NCAM1: variants seen among roughly 807,000 people sequenced by gnomAD.
The protein encoded by NCAM1 is neural cell adhesion molecule 1, also known as antigen recognized by monoclonal antibody 5.1H11.
In NCAM1, 14 loss-of-function variants were observed where a neutral mutation model predicts 109.8. The observed-to-expected ratio is 0.13, with a 90% confidence interval of 0.08 to 0.20. The LOEUF is 0.20. NCAM1 is among the 10% of genes least tolerant of loss of function. The pLI, the probability that NCAM1 is intolerant of heterozygous loss-of-function variation, is 1.00. For missense variants in NCAM1, 774 were observed against 1,109.9 expected (o/e 0.70, Z 4.30); for synonymous variants, 418 against 442.9 (o/e 0.94, Z 0.70).
intron 1 of NCAM1, among the ~76,000 whole-genome samples, chr11:112,979,011 T>A (rs1207497258): frequency 6.6e-6 from 1 of 151,882 alleles, no homozygotes; most frequent in Non-Finnish European, 1.5e-5. Context: ...GGTTGGATTT[T>A]GTCTGTTGAA....
At chr11:112,981,017 A>T (rs967271971) in intron 1 of NCAM1, among the ~76,000 whole-genome samples, 12 of 151,794 alleles carry the variant, frequency 7.9e-5, no homozygotes, top group Admixed American at 1.3e-4. Context: ...GACTGGGGAA[A>T]ATTTTCCCTT....
At chr11:113,272,512 G>A (rs1946304511) in intron 19 of NCAM1, among the ~76,000 whole-genome samples, 1 of 152,100 alleles carries the variant, frequency 6.6e-6, no homozygotes, top group Non-Finnish European at 1.5e-5. Flanking sequence ...AGCCCTGCAG[G>A]ACAGCTGGGC....
At chr11:113,215,214 T>C (rs1021736350) in intron 8 of NCAM1, among the ~76,000 whole-genome samples, 5 of 152,268 alleles carry the variant, frequency 3.3e-5, no homozygotes, top group Middle Eastern at 3.4e-3. Flanking sequence ...TTGTTGACAA[T>C]ATATAAAAAC....
intron 1 of NCAM1, among the ~76,000 whole-genome samples, chr11:112,973,859 G>C (rs1284378053): frequency 6.6e-6 from 1 of 152,108 alleles, no homozygotes; most frequent in Non-Finnish European, 1.5e-5. Context: ...TTGCAACTGA[G>C]TTGGAAATGC....
At chr11:113,244,271 G>A (rs1311383543) in intron 14 of NCAM1, among the ~76,000 whole-genome samples, 2 of 152,162 alleles carry the variant, frequency 1.3e-5, no homozygotes, top group East Asian at 1.9e-4. Context: ...CTTGGTTCCA[G>A]ATTTTGCCTG....
At chr11:113,199,723 T>C (rs1376793015) in intron 1 of NCAM1, among the ~76,000 whole-genome samples, 1 of 150,780 alleles carries the variant, frequency 6.6e-6, no homozygotes, top group Non-Finnish European at 1.5e-5. Flanking sequence ...GCATGGCACA[T>C]TTATACATAT....
chr11:113,244,245 G>A (rs1027461450), intron 14 of NCAM1, among the ~76,000 whole-genome samples: 7 of 152,162 alleles, frequency 4.6e-5, no homozygotes, highest in African/African-American at 1.7e-4. Context: ...GGTCTTCTCT[G>A]TTAGTGAAAC....
At chr11:113,222,466 T>C (rs971820505) in intron 9 of NCAM1, among the ~76,000 whole-genome samples, 2 of 152,232 alleles carry the variant, frequency 1.3e-5, no homozygotes, top group South Asian at 4.1e-4. Context: ...ACTTCCTGTG[T>C]ATAAGACTGT....
chr11:113,242,955 G>C, intron 14 of NCAM1: 1 of 1,587,680 alleles, frequency 6.3e-7, no homozygotes, highest in South Asian at 1.1e-5. Context: ...AAAAGCAACA[G>C]TTGTGAATGC....
At chr11:113,141,782 C>G (rs1180601658) in intron 1 of NCAM1, among the ~76,000 whole-genome samples, 1 of 152,114 alleles carries the variant, frequency 6.6e-6, no homozygotes, top group Non-Finnish European at 1.5e-5. Context: ...ACTCACCCTG[C>G]TTTAGTGATC....
At position 113,275,401 on chromosome 11, in the gene NCAM1, C is replaced by A. The variant is rs909888346; in HGVS notation, c.*14C>A. 2 of 1,608,706 alleles carry A rather than the reference C, an allele frequency of 1.2e-6. No homozygotes were observed. The highest frequency in any genetic ancestry group is 3.4e-5 in the Admixed American group (2 of 59,282). ...AGCAAAGCATGATGGGTGAAGAGAA[C>A]CGAGCAAAGATCAAAATAAAAAGTG... On this transcript the variant is annotated 3_prime_UTR_variant, in exon 20 of 20. Coordinates refer to ENST00000316851, the MANE Select transcript of NCAM1 (RefSeq NM_181351.5).
At chr11:113,061,453 T>C (rs1245097) in intron 1 of NCAM1, among the ~76,000 whole-genome samples, 126,583 of 152,162 alleles carry the variant, frequency 0.83, 52,994 homozygotes, top group African/African-American at 0.92. Context: ...ATTATGGAAG[T>C]GGTATACCAA....
intron 8 of NCAM1, among the ~76,000 whole-genome samples, chr11:113,218,996 A>G (rs1392626695): frequency 6.6e-6 from 1 of 152,196 alleles, no homozygotes; most frequent in African/African-American, 2.4e-5. Flanking sequence ...TCATTTACTT[A>G]CTGACTGAGA....
At chr11:113,041,590 C>G (rs142652873) in intron 1 of NCAM1, among the ~76,000 whole-genome samples, 1 of 152,238 alleles carries the variant, frequency 6.6e-6, no homozygotes, top group African/African-American at 2.4e-5. Flanking sequence ...ATGGTAGACC[C>G]GCTCATCAGG....
rs567295989 is a variant in NCAM1 at position 113,263,849 on chromosome 11, G to A, written c.2131+3526G>A. 39 of 985,532 alleles carry A rather than the reference G, an allele frequency of 4.0e-5. No homozygotes were observed. The South Asian group carries it at 1.0e-3, about 26-fold the overall frequency. 61.0% of individuals were successfully genotyped at this position (985,532 alleles called of 1,614,324 possible). ...CCTGTGTGTGCTCAGTAGAGAAGGAGAGGGACAGGCCACTCCCAGACTGCC... is the reference window on the plus strand; with the variant it reads ...CCTGTGTGTGCTCAGTAGAGAAGGAAAGGGACAGGCCACTCCCAGACTGCC... On this transcript the variant is annotated intron_variant, in intron 17 of 19. Transcript: ENST00000316851.
chr11:113,036,959 T>C (rs551435023), intron 1 of NCAM1, among the ~76,000 whole-genome samples: 14 of 152,158 alleles, frequency 9.2e-5, no homozygotes, highest in Non-Finnish European at 2.1e-4. Flanking sequence ...TTTCTCAGCT[T>C]TTTTCACTGT....
At chr11:113,000,847 T>TATATATATAA (rs1306306918) in intron 1 of NCAM1, among the ~76,000 whole-genome samples, 1 of 113,578 alleles carries the variant, frequency 8.8e-6, no homozygotes, top group African/African-American at 3.5e-5. Context: ...TATATATATA[T>TATATATATAA]ACACAAAAAA....
chr11:113,176,283 T>C (rs12224124), intron 1 of NCAM1, among the ~76,000 whole-genome samples: 19,326 of 152,184 alleles, frequency 0.13, 1,360 homozygotes, highest in East Asian at 0.27. Context: ...TCTTGGAGGC[T>C]AATAGATTTA....
At chr11:113,165,071 T>G (rs1942742281) in intron 1 of NCAM1, among the ~76,000 whole-genome samples, 1 of 152,196 alleles carries the variant, frequency 6.6e-6, no homozygotes. Context: ...AGGGACCCAC[T>G]GTCTGCTCAT....
Sources: gnomAD v4.1 joint callset for allele counts (sites outside exome capture counted in the v4.1 genomes callset) on GRCh38, gnomAD v4.1.1 for gene constraint, MANE v1.5 for transcripts, NCBI Gene and HGNC (gene_info 2026-07-23, HGNC 2026-07-21) for gene names.